The following FHIT variants were observed in gnomAD, a reference collection of about 807,000 sequenced individuals.
The protein encoded by FHIT is bis(5'-adenosyl)-triphosphatase.
In FHIT, 19 loss-of-function variants were observed where a neutral mutation model predicts 17.9. The observed-to-expected ratio is 1.06, with a 90% CI of 0.74 to 1.56. The LOEUF is 1.56. Ranked by LOEUF, FHIT falls within the 40% of genes most tolerant of loss-of-function variation. The pLI is 0.00. For missense variants in FHIT, 248 were observed against 189.2 expected (o/e 1.31, Z -1.82); for synonymous variants, 81 against 69.7 (o/e 1.16, Z -0.81).
chr3:61,204,318 A>C (rs900097182), intron 1 of FHIT, among the ~76,000 whole-genome samples: 3 of 152,194 alleles, frequency 2.0e-5, no homozygotes, highest in African/African-American at 7.2e-5. Flanking sequence ...TTCTTGGCCT[A>C]GAAAGAGGTA....
At position 60,569,755 on chromosome 3, in the gene FHIT, A is replaced by ATATATATAT; in HGVS notation, c.-17-32777_-17-32776insATATATATA. Among the ~76,000 whole-genome samples, 26 of 77,340 alleles carry ATATATATAT rather than the reference A, an allele frequency of 3.4e-4. No individual in the cohort carries two copies. In the East Asian group the frequency reaches 3.7e-3, roughly 11 times the overall value. 50.7% of individuals were successfully genotyped at this position (77,340 alleles called of 152,430 possible). ...TATATATATATATATATATATATATATTTTTTTTTTTTTTAGACAGAGTTT... is the reference window on the plus strand; with the variant it reads ...TATATATATATATATATATATATATATATATATATTTTTTTTTTTTTTTAGACAGAGTTT... On this transcript the variant is annotated intron_variant, in intron 4 of 9. Coordinates refer to ENST00000492590, the MANE Select transcript of FHIT (RefSeq NM_002012.4).
At chr3:60,192,516 G>A (rs968802155) in intron 5 of FHIT, among the ~76,000 whole-genome samples, 3 of 152,140 alleles carry the variant, frequency 2.0e-5, no homozygotes, top group Non-Finnish European at 4.4e-5. Context: ...GGGTGGACAC[G>A]TAACCAGAGG....
intron 3 of FHIT, among the ~76,000 whole-genome samples, chr3:61,038,422 A>ATG (rs1361529199): frequency 5.9e-5 from 9 of 152,234 alleles, no homozygotes; most frequent in Non-Finnish European, 2.9e-5. Flanking sequence ...TACAGTGGGA[A>ATG]TGGAGGCAGG....
At chr3:60,385,732 G>A (rs1378910163) in intron 5 of FHIT, among the ~76,000 whole-genome samples, 3 of 151,868 alleles carry the variant, frequency 2.0e-5, no homozygotes, top group African/African-American at 4.8e-5. Context: ...GGCATGCACC[G>A]CCATACCCAG....
At chr3:59,925,865 T>C (rs1705634530) in intron 7 of FHIT, among the ~76,000 whole-genome samples, 2 of 152,176 alleles carry the variant, frequency 1.3e-5, no homozygotes, top group Admixed American at 1.3e-4. Flanking sequence ...CTCATTGCTG[T>C]GAAAAAATAC....
intron 8 of FHIT, among the ~76,000 whole-genome samples, chr3:59,820,062 A>G (rs1188155070): frequency 5.3e-5 from 8 of 152,234 alleles, no homozygotes; most frequent in African/African-American, 1.9e-4. Context: ...CAGGCTCCAG[A>G]ACTATGACTA....
intron 5 of FHIT, among the ~76,000 whole-genome samples, chr3:60,017,856 G>A (rs1437624421): frequency 1.3e-5 from 2 of 152,144 alleles, no homozygotes; most frequent in Non-Finnish European, 2.9e-5. Context: ...GCCTAGAGCT[G>A]GTGTGGTTTG....
rs527684795 is a variant in FHIT, at chr3:59,955,117, T to C, written c.280-32703A>G. Among the ~76,000 whole-genome samples, 11 of 152,300 alleles carry C rather than the reference T, an allele frequency of 7.2e-5. 1 individual carries two copies. In the East Asian group the frequency reaches 2.1e-3, roughly 29 times the overall value. On this transcript the variant is annotated intron_variant, in intron 7 of 9. Coordinates refer to ENST00000492590, the MANE Select transcript of FHIT (RefSeq NM_002012.4). The stretch of plus-strand genomic sequence containing the variant: ...GTAATATAGGAAAAACAACAGTAGC[T>C]ATCGTACAGCGTAGTTGTAAAGATT...
intron 8 of FHIT, among the ~76,000 whole-genome samples, chr3:59,875,726 G>C (rs2106926569): frequency 6.6e-6 from 1 of 152,102 alleles, no homozygotes. Context: ...TATTATCAGG[G>C]AGCTAACGAT....
chr3:60,232,665 C>G (rs11717136), intron 5 of FHIT, among the ~76,000 whole-genome samples: 26,407 of 152,106 alleles, frequency 0.17, 2,467 homozygotes, highest in Admixed American at 0.24. Flanking sequence ...TGCCTCCAGG[C>G]ATATCCCAAA....
chr3:60,124,042 A>AGG (rs1352511787), intron 5 of FHIT, among the ~76,000 whole-genome samples: 2 of 86,226 alleles, frequency 2.3e-5, no homozygotes, highest in African/African-American at 8.8e-5. Context: ...AGAGAGAGAG[A>AGG]GAGAGAGAGA....
At chr3:60,052,955 A>G (rs1365848390) in intron 5 of FHIT, among the ~76,000 whole-genome samples, 1 of 152,054 alleles carries the variant, frequency 6.6e-6, no homozygotes, top group Non-Finnish European at 1.5e-5. Flanking sequence ...CACTTAAAAT[A>G]TAAAATTACA....
At chr3:61,169,016 T>C (rs1054956506) in intron 2 of FHIT, among the ~76,000 whole-genome samples, 6 of 152,174 alleles carry the variant, frequency 3.9e-5, no homozygotes, top group African/African-American at 1.2e-4. Flanking sequence ...TTTGTACTTT[T>C]CAAAGTTAAA....
chr3:60,502,864 G>A (rs963973479), intron 5 of FHIT, among the ~76,000 whole-genome samples: 9 of 152,174 alleles, frequency 5.9e-5, no homozygotes, highest in Non-Finnish European at 1.3e-4. Flanking sequence ...AGATGGTCAA[G>A]CCTTAGAAAT....
chr3:61,049,212 C>A (rs1032438133), intron 2 of FHIT, among the ~76,000 whole-genome samples: 3 of 150,052 alleles, frequency 2.0e-5, no homozygotes, highest in African/African-American at 7.3e-5. Context: ...GAATGAATGC[C>A]TAATAACTTC....
At chr3:59,941,983 T>C (rs989330447) in intron 7 of FHIT, among the ~76,000 whole-genome samples, 2 of 152,182 alleles carry the variant, frequency 1.3e-5, no homozygotes, top group Admixed American at 6.5e-5. Context: ...TTCCCTCAAG[T>C]GCCTTCCCCC....
At chr3:60,478,156 A>G (rs1034554508) in intron 5 of FHIT, among the ~76,000 whole-genome samples, 1 of 152,204 alleles carries the variant, frequency 6.6e-6, no homozygotes, top group African/African-American at 2.4e-5. Flanking sequence ...ACTACCAAAC[A>G]TAATTCTTCC....
At chr3:60,071,397 T>C (rs759747459) in intron 5 of FHIT, among the ~76,000 whole-genome samples, 2 of 152,228 alleles carry the variant, frequency 1.3e-5, no homozygotes, top group Non-Finnish European at 2.9e-5. Context: ...ATTACACAAG[T>C]GGCTTGCATC....
chr3:61,045,353 A>G (rs1459679973), intron 2 of FHIT, among the ~76,000 whole-genome samples: 1 of 152,232 alleles, frequency 6.6e-6, no homozygotes, highest in African/African-American at 2.4e-5. Context: ...GTCTCTGATA[A>G]AACAGACTTT....
Sources: gnomAD v4.1 joint callset for allele counts (sites outside exome capture counted in the v4.1 genomes callset) on GRCh38, gnomAD v4.1.1 for gene constraint, MANE v1.5 for transcripts, NCBI Gene and HGNC (gene_info 2026-07-23, HGNC 2026-07-21) for gene names.